The following IRAG2 variants were observed in gnomAD, a reference collection of about 807,000 sequenced individuals.
The protein encoded by IRAG2 is lymphoid restricted membrane protein.
A neutral mutation model predicts 69.9 loss-of-function variants in IRAG2; 45 were observed. The observed-to-expected ratio is 0.64, with a 90% CI of 0.51 to 0.83. The LOEUF (loss-of-function observed/expected upper bound fraction) is 0.83, where lower values mean the gene tolerates loss of function less well. IRAG2 is among the 40% of genes least tolerant of loss of function. The pLI is 0.00. For missense variants in IRAG2, 520 were observed against 587.0 expected (o/e 0.89, Z 1.18); for synonymous variants, 193 against 202.4 (o/e 0.95, Z 0.40).
intron 9 of IRAG2, among the ~76,000 whole-genome samples, chr12:25,027,712 T>C (rs1181462192): frequency 1.3e-5 from 2 of 152,138 alleles, no homozygotes; most frequent in African/African-American, 2.4e-5. Context: ...CCTCTTTTTA[T>C]GGCTGGATAA....
At chr12:25,097,269 G>A (rs1271394049) in intron 15 of IRAG2, 1 of 421,632 alleles carries the variant, frequency 2.4e-6, no homozygotes, top group Non-Finnish European at 4.2e-6. Context: ...AAATTTTTGT[G>A]ATATATTCTT....
chr12:25,029,126 T>C (rs984057467), intron 9 of IRAG2, among the ~76,000 whole-genome samples: 6 of 152,108 alleles, frequency 3.9e-5, no homozygotes, highest in Non-Finnish European at 5.9e-5. Flanking sequence ...ATAGATGAAG[T>C]CTTGCTATGT....
intron 16 of IRAG2, 49 bp downstream of exon 16, chr12:25,101,374 CCT>C: frequency 7.3e-7 from 1 of 1,377,138 alleles, no homozygotes; most frequent in Middle Eastern, 2.0e-4. Context: ...TCTACATTCT[CCT>C]CTTTTTTGCT....
chr12:25,030,303 C>T, exon 10 of IRAG2: 3 of 1,231,684 alleles, frequency 2.4e-6, no homozygotes, highest in Admixed American at 8.4e-5. Context: ...TATGAGAACA[C>T]TTTGCTTAAT....
chr12:25,030,205 G>A (rs1275264983), intron 9 of IRAG2: 2 of 981,972 alleles, frequency 2.0e-6, no homozygotes, highest in Non-Finnish European at 2.6e-6. Flanking sequence ...CATCTTACTG[G>A]AATGATTTTA....
upstream of IRAG2, among the ~76,000 whole-genome samples, chr12:25,048,658 A>G (rs1944817441): frequency 6.6e-6 from 1 of 152,184 alleles, no homozygotes; most frequent in Admixed American, 6.5e-5. Flanking sequence ...GACTCTGGAT[A>G]TTAAACCTTT....
chr12:25,048,493 C>G (rs760252060), upstream of IRAG2, among the ~76,000 whole-genome samples: 4 of 152,046 alleles, frequency 2.6e-5, no homozygotes, highest in South Asian at 2.1e-4. Flanking sequence ...GATGGGCTTT[C>G]ACCACGTTGG....
Position 25,096,701 on chromosome 12 carries a change from A to T in IRAG2, c.607-209A>T, listed in dbSNP as rs573129484. 2.6e-5 allele frequency among the ~76,000 whole-genome samples: 4 copies of T among 152,354 alleles called. No homozygotes were observed. The East Asian group carries it at 7.7e-4, about 29-fold the overall frequency. On this transcript the variant is annotated intron_variant, in intron 14 of 21. Transcript: ENST00000556887. Reference sequence around the variant, plus strand: ...AAGGGATCAAGAATAGACATAAAAGATTTGTGATCACCTGCGTATATCTAC... The same window carrying T: ...AAGGGATCAAGAATAGACATAAAAGTTTTGTGATCACCTGCGTATATCTAC...
At chr12:25,003,911 A>C (rs999035029), upstream of IRAG2, among the ~76,000 whole-genome samples, 2 of 152,228 alleles carry the variant, frequency 1.3e-5, no homozygotes, top group Non-Finnish European at 2.9e-5. Flanking sequence ...TATTATAAAT[A>C]AAAAGCAATG....
At chr12:25,105,203 A>G (rs1347460211) in intron 20 of IRAG2, among the ~76,000 whole-genome samples, 1 of 151,438 alleles carries the variant, frequency 6.6e-6, no homozygotes, top group East Asian at 1.9e-4. Context: ...CAGCCTCCCA[A>G]GTAGCTGGGA....
chr12:25,015,164 T>TC, intron 3 of IRAG2: 2 of 1,201,100 alleles, frequency 1.7e-6, no homozygotes, highest in East Asian at 7.0e-5. Context: ...TGTTTTTTTT[T>TC]TTTTTTTTTG....
intron 1 of IRAG2, among the ~76,000 whole-genome samples, chr12:25,053,654 C>G (rs559800845): frequency 6.6e-6 from 1 of 151,866 alleles, no homozygotes; most frequent in Non-Finnish European, 1.5e-5. Context: ...TAAAAATAAA[C>G]CTTACTTATT....
intron 10 of IRAG2, among the ~76,000 whole-genome samples, chr12:25,084,123 C>T (rs904084017): frequency 6.6e-6 from 1 of 152,198 alleles, no homozygotes; most frequent in Admixed American, 6.5e-5. Context: ...AGTGGTGGCT[C>T]ATGCCTGTAA....
chr12:25,100,000 G>GAAAAAAAAAAAA (rs56728551), intron 15 of IRAG2, among the ~76,000 whole-genome samples: 803 of 25,644 alleles, frequency 0.031, 160 homozygotes, highest in African/African-American at 0.087. Flanking sequence ...GACTCCATCT[G>GAAAAAAAAAAAA]AAAAAAAAAA....
exon 14 of IRAG2, chr12:25,035,689 T>C (rs1944697384): frequency 5.0e-6 from 2 of 398,918 alleles, no homozygotes; most frequent in Admixed American, 4.4e-5. Flanking sequence ...TGTAATCAAC[T>C]TGTCATCTCT....
At chr12:25,080,500 C>G (rs567371344) in intron 9 of IRAG2, among the ~76,000 whole-genome samples, 1 of 151,774 alleles carries the variant, frequency 6.6e-6, no homozygotes, top group Non-Finnish European at 1.5e-5. Flanking sequence ...TACAGGTGCC[C>G]GCCACCACGC....
At chr12:25,008,316 T>C (rs11047750) in intron 2 of IRAG2, among the ~76,000 whole-genome samples, 39,377 of 152,090 alleles carry the variant, frequency 0.26, 5,580 homozygotes, top group South Asian at 0.47. Context: ...AAATACTAAA[T>C]TGGGGCTGGG....
chr12:25,061,730 T>C (rs1025236703), intron 2 of IRAG2, 77 bp downstream of exon 2: 3 of 397,982 alleles, frequency 7.5e-6, no homozygotes, highest in African/African-American at 2.1e-5. Context: ...AGCTAATTTA[T>C]AACAGACAAT....
chr12:25,104,322 T>G (rs1471429644), intron 19 of IRAG2, 39 bp from the exon 20 acceptor site: 1 of 1,252,198 alleles, frequency 8.0e-7, no homozygotes, highest in Non-Finnish European at 1.2e-6. Flanking sequence ...GCTACAGATG[T>G]ATTTGATTTG....
Sources: gnomAD v4.1 joint callset for allele counts (sites outside exome capture counted in the v4.1 genomes callset) on GRCh38, gnomAD v4.1.1 for gene constraint, MANE v1.5 for transcripts, NCBI Gene and HGNC (gene_info 2026-07-23, HGNC 2026-07-21) for gene names.